Variants in RIN2 observed in about 807,000 individuals in gnomAD.
RIN2 encodes the protein Ras and Rab interactor 2.
In RIN2, 36 loss-of-function variants were observed where a neutral mutation model predicts 78.0. That is an observed-to-expected ratio of 0.46 (90% CI 0.35 to 0.61). The LOEUF (loss-of-function observed/expected upper bound fraction) is 0.61. RIN2 is among the 20% of genes least tolerant of loss of function. The pLI is 0.00. For missense variants in RIN2, 1,087 were observed against 1,159.7 expected (o/e 0.94, Z 0.91); for synonymous variants, 466 against 466.8 (o/e 1.00, Z 0.02).
chr20:20,000,843 G>A lies in RIN2; in HGVS notation c.2595G>A (p.Gln865=), dbSNP rs1455561139. ...AGGCGGAGCTGCACAGCCGACCACA[G>A]CCCCACATCTTCCACTTTGTCTACA... ...KIKAELHSRP[Q]PHIFHFVYKR... is the part of the protein sequence containing the mutation. The change falls in exon 13 of 13, where the codon CAG becomes CAA. Residue 865 remains glutamine (Q), a synonymous_variant. Transcript: ENST00000255006. 6.2e-7 allele frequency: 1 copy of A among 1,613,962 alleles called. No individual in the cohort carries two copies. Among genetic ancestry groups the A allele is most frequent in the Non-Finnish European group, 8.5e-7 (1 of 1,179,888 alleles).
At chr20:19,916,674 G>A (rs1382035592) in intron 3 of RIN2, among the ~76,000 whole-genome samples, 1 of 152,236 alleles carries the variant, frequency 6.6e-6, no homozygotes, top group African/African-American at 2.4e-5. Context: ...CCTAAAGCCA[G>A]TAGGTTTGGG....
At chr20:19,799,282 A>G (rs1415614207) in intron 1 of RIN2, among the ~76,000 whole-genome samples, 2 of 152,190 alleles carry the variant, frequency 1.3e-5, no homozygotes, top group African/African-American at 4.8e-5. Flanking sequence ...GTAGGAAGCG[A>G]TGTGATGCAA....
At chr20:19,921,430 C>G (rs979933772) in intron 3 of RIN2, among the ~76,000 whole-genome samples, 4 of 152,162 alleles carry the variant, frequency 2.6e-5, no homozygotes, top group South Asian at 2.1e-4. Context: ...TGATTTACCC[C>G]CTGCCTGGCA....
At chr20:19,895,044 A>G (rs2038658320) in intron 3 of RIN2, among the ~76,000 whole-genome samples, 1 of 151,082 alleles carries the variant, frequency 6.6e-6, no homozygotes, top group African/African-American at 2.4e-5. Flanking sequence ...CTTGCCCACC[A>G]CCCTATCCCT....
chr20:19,834,309 C>A (rs911060800), intron 2 of RIN2, among the ~76,000 whole-genome samples: 2 of 152,292 alleles, frequency 1.3e-5, no homozygotes, highest in South Asian at 4.1e-4. Flanking sequence ...GCAACTGGGA[C>A]CCATTTTTGC....
intron 2 of RIN2, among the ~76,000 whole-genome samples, chr20:19,839,617 T>G (rs555090211): frequency 6.6e-6 from 1 of 152,334 alleles, no homozygotes; most frequent in East Asian, 1.9e-4. Flanking sequence ...CTTCCTTCTC[T>G]CTACCACCTC....
chr20:19,998,163 G>A (rs1415686708), intron 12 of RIN2, among the ~76,000 whole-genome samples: 1 of 151,680 alleles, frequency 6.6e-6, no homozygotes, highest in African/African-American at 2.4e-5. Flanking sequence ...TGTATTTTTA[G>A]TAGAGATGGG....
At chr20:19,856,051 G>A (rs955000748) in intron 2 of RIN2, among the ~76,000 whole-genome samples, 2 of 152,100 alleles carry the variant, frequency 1.3e-5, no homozygotes, top group Non-Finnish European at 1.5e-5. Flanking sequence ...TCCAGCCTGC[G>A]TGACACAGCA....
In RIN2 at chr20:19,934,661, A is replaced by G. The variant is rs978162004; in HGVS notation, c.58-438A>G. ...TCTTTTAAATAAACTCATTTCTATAACAAAATAATCATTGTATGAATTTCA... is the reference window on the plus strand; with the variant it reads ...TCTTTTAAATAAACTCATTTCTATAGCAAAATAATCATTGTATGAATTTCA... On this transcript the variant is annotated intron_variant, in intron 3 of 12. Coordinates refer to ENST00000255006, the MANE Select transcript of RIN2 (RefSeq NM_018993.4). The G allele has an allele frequency of 9.7e-6, 9 of 923,426 alleles. No individual in the cohort carries two copies. In the African/African-American group the frequency reaches 1.4e-4, roughly 15 times the overall value. 57.2% of individuals were successfully genotyped at this position (923,426 alleles called of 1,614,324 possible).
At chr20:19,935,362 C>T (rs1445802426) in intron 4 of RIN2, 163 bp downstream of exon 4, 2 of 1,283,624 alleles carry the variant, frequency 1.6e-6, no homozygotes, top group East Asian at 5.5e-5. Context: ...GGCCTAGGAA[C>T]TAGTTGTCTG....
intron 2 of RIN2, among the ~76,000 whole-genome samples, chr20:19,853,604 G>C (rs568197299): frequency 6.6e-6 from 1 of 152,262 alleles, no homozygotes; most frequent in African/African-American, 2.4e-5. Context: ...ATCTCATTGT[G>C]GTTTTGATTT....
At chr20:19,948,543 C>T (rs190827181) in intron 4 of RIN2, among the ~76,000 whole-genome samples, 1,745 of 152,148 alleles carry the variant, frequency 0.011, 37 homozygotes, top group African/African-American at 0.039. Context: ...TACAGGAGCG[C>T]GCCACCACAC....
At chr20:19,765,182 C>T (rs1222415553) in intron 1 of RIN2, among the ~76,000 whole-genome samples, 1 of 152,090 alleles carries the variant, frequency 6.6e-6, no homozygotes, top group African/African-American at 2.4e-5. Context: ...CCCCCACCCC[C>T]AAATCTTCTT....
chr20:19,886,717 C>T, intron 2 of RIN2: 1 of 1,549,254 alleles, frequency 6.5e-7, no homozygotes, highest in Non-Finnish European at 8.7e-7. Context: ...TCAGGGAAGC[C>T]AGGAAAAGAA....
chr20:19,970,889 G>C lies in RIN2; in HGVS notation c.588G>C (p.Lys196Asn). The stretch of plus-strand genomic sequence containing the variant: ...TGCCTTATGCCATTTCAACAGCCAA[G>C]TCGGAGGCTCAGCTTGAAGAACTGG... ...LKLPYAISTA[K>N]SEAQLEELAQ... Residue 196 changes from lysine (K) to asparagine (N), a missense_variant, in exon 8 of 13, where the codon AAG becomes AAC. By Grantham distance (94) the Lys-to-Asn change is moderately conservative. Transcript: ENST00000255006. The C allele has an allele frequency of 6.2e-7, 1 of 1,613,742 alleles. No individual in the cohort carries two copies. Among genetic ancestry groups the C allele is most frequent in the Non-Finnish European group, 8.5e-7 (1 of 1,179,814 alleles).
At chr20:19,811,045 TA>T (rs67108678) in intron 2 of RIN2, among the ~76,000 whole-genome samples, 42,487 of 148,884 alleles carry the variant, frequency 0.29, 7,828 homozygotes, top group African/African-American at 0.53. Flanking sequence ...TTGTTTAATA[TA>T]AAAAAAAAAT....
intron 1 of RIN2, among the ~76,000 whole-genome samples, chr20:19,760,056 C>T (rs1294161678): frequency 1.3e-5 from 2 of 152,142 alleles, no homozygotes; most frequent in East Asian, 3.9e-4. Flanking sequence ...TTACCTAATT[C>T]AAATGTAGGA....
chr20:19,987,080 C>A (rs904883168), intron 9 of RIN2, among the ~76,000 whole-genome samples: 1 of 152,200 alleles, frequency 6.6e-6, no homozygotes, highest in African/African-American at 2.4e-5. Context: ...CACAGCCTTG[C>A]GTTCATGAGA....
chr20:19,818,920 T>G (rs1402520008), intron 2 of RIN2, among the ~76,000 whole-genome samples: 1 of 152,140 alleles, frequency 6.6e-6, no homozygotes, highest in Non-Finnish European at 1.5e-5. Flanking sequence ...AGGGATGAGG[T>G]GGATATATTT....
Sources: allele counts gnomAD v4.1 joint callset (sites outside exome capture counted in the v4.1 genomes callset), GRCh38; gene constraint gnomAD v4.1.1; transcripts MANE v1.5; gene names NCBI Gene and HGNC (gene_info 2026-07-23, HGNC 2026-07-21).